Variants in PIR observed in about 807,000 individuals in gnomAD.
The protein encoded by PIR is pirin (iron-binding nuclear protein).
A neutral mutation model predicts 24.2 loss-of-function variants in PIR; 22 were observed. That is an observed-to-expected ratio of 0.91 (90% CI 0.65 to 1.30). PIR has a LOEUF of 1.30. Ranked by LOEUF, PIR falls within the 50% of genes most tolerant of loss-of-function variation. The pLI is 0.00. For missense variants in PIR, 220 were observed against 220.3 expected (o/e 1.00, Z 0.01); for synonymous variants, 80 against 79.6 (o/e 1.00, Z -0.03).
At position 15,473,546 on chromosome X, in the gene PIR, T is replaced by TTTTA. The variant is rs1019635576; in HGVS notation, c.189+6179_189+6182dup. Among the ~76,000 whole-genome samples the TTTTA allele has an allele frequency of 8.5e-4, 95 of 111,748 alleles. 1 individual carries two copies. Among genetic ancestry groups the TTTTA allele is most frequent in the African/African-American group, 3.0e-3 (92 of 30,823 alleles). ...TCTACTATTTTGAATACTTTTTTAT[T>TTTTA]TTTATTTATTTATTTATTTATCTAT... On this transcript the variant is annotated intron_variant, in intron 3 of 9. Coordinates refer to ENST00000380420, the MANE Select transcript of PIR (RefSeq NM_001018109.3).
chrX:15,414,834 T>C (rs1036307618), intron 6 of PIR, among the ~76,000 whole-genome samples: 58 of 111,191 alleles, frequency 5.2e-4, no homozygotes, highest in African/African-American at 1.8e-3. Context: ...TAAAAGCCCC[T>C]GTAAAATATG....
intron 5 of PIR, among the ~76,000 whole-genome samples, chrX:15,427,001 T>C (rs234499): frequency 0.012 from 1,291 of 111,675 alleles, 12 homozygotes; most frequent in Middle Eastern, 0.023. Flanking sequence ...AATGGATAAA[T>C]GAAATGTAAT....
intron 8 of PIR, among the ~76,000 whole-genome samples, chrX:15,393,289 G>C (rs1431972809): frequency 1.8e-5 from 2 of 111,866 alleles, no homozygotes; most frequent in Non-Finnish European, 3.8e-5. Context: ...GATATGTCTC[G>C]AGTTCTGCTG....
intron 5 of PIR, 105 bp from the exon 6 acceptor site, chrX:15,426,095 T>C: frequency 4.0e-6 from 2 of 496,436 alleles, no homozygotes; most frequent in Non-Finnish European, 7.0e-6. Context: ...CCATTATATA[T>C]ATAGTTCCTC....
intron 6 of PIR, among the ~76,000 whole-genome samples, chrX:15,408,111 T>C (rs956136802): frequency 8.9e-6 from 1 of 111,848 alleles, no homozygotes. Flanking sequence ...CACATCTGGC[T>C]AATTTTTGTA....
chrX:15,467,115 A>T (rs1921640443), intron 3 of PIR, among the ~76,000 whole-genome samples: 1 of 112,527 alleles, frequency 8.9e-6, no homozygotes. Flanking sequence ...CGATGGATGG[A>T]TGGATGAATA....
At chrX:15,437,705 TA>T (rs1925793714) in intron 5 of PIR, among the ~76,000 whole-genome samples, 1 of 112,621 alleles carries the variant, frequency 8.9e-6, no homozygotes, top group Admixed American at 9.4e-5. Flanking sequence ...AGAAATAAGA[TA>T]AACTATTACC....
chrX:15,425,656 C>T (rs1003597024), intron 6 of PIR, among the ~76,000 whole-genome samples: 3 of 111,329 alleles, frequency 2.7e-5, no homozygotes, highest in Non-Finnish European at 3.8e-5. Context: ...GTGATCCACC[C>T]GCCTCGACTT....
intron 6 of PIR, among the ~76,000 whole-genome samples, chrX:15,414,368 G>A (rs970653238): frequency 8.9e-6 from 1 of 111,948 alleles, no homozygotes; most frequent in Non-Finnish European, 1.9e-5. Flanking sequence ...GGTTTTATTT[G>A]AACAGAACTT....
intron 9 of PIR, among the ~76,000 whole-genome samples, chrX:15,387,578 A>G (rs1176954175): frequency 9.0e-6 from 1 of 111,600 alleles, no homozygotes; most frequent in Non-Finnish European, 1.9e-5. Context: ...CAGAATAAAC[A>G]ATAAACCCAA....
intron 2 of PIR, among the ~76,000 whole-genome samples, chrX:15,488,108 G>A (rs1479999226): frequency 2.8e-5 from 3 of 108,506 alleles, no homozygotes; most frequent in African/African-American, 3.4e-5. Flanking sequence ...GAGAAACCCC[G>A]TCTCTACTAA....
At chrX:15,426,829 G>A (rs772454106) in intron 5 of PIR, among the ~76,000 whole-genome samples, 4 of 111,824 alleles carry the variant, frequency 3.6e-5, no homozygotes, top group South Asian at 7.5e-4. Context: ...AAGCTGCTTG[G>A]CCATGTGTAG....
chrX:15,433,558 G>GAAAGAAAT (rs1925595234), intron 5 of PIR, among the ~76,000 whole-genome samples: 1 of 99,593 alleles, frequency 1.0e-5, no homozygotes, highest in Non-Finnish European at 2.0e-5. Flanking sequence ...GAGAAAGAAA[G>GAAAGAAAT]AAAGAGAGAG....
intron 5 of PIR, among the ~76,000 whole-genome samples, chrX:15,433,534 AAGAAAGAAAGAGAG>A (rs201077714): frequency 0.064 from 4,108 of 63,707 alleles, 221 homozygotes; most frequent in East Asian, 0.25. Context: ...GAAAGAAAGA[AAGAAAGAAAGAGAG>A]AGAAAGAAAG....
intron 8 of PIR, among the ~76,000 whole-genome samples, chrX:15,395,011 G>GA (rs1399814089): frequency 1.8e-5 from 2 of 111,792 alleles, no homozygotes; most frequent in African/African-American, 3.3e-5. Flanking sequence ...AACAGAGCCA[G>GA]AAAAAAAGCC....
chrX:15,418,424 G>T (rs1924998058), intron 6 of PIR, among the ~76,000 whole-genome samples: 1 of 112,159 alleles, frequency 8.9e-6, no homozygotes. Flanking sequence ...ATTGCCTTGC[G>T]CCTTGCAAGA....
At chrX:15,434,076 GAGGA>G in intron 5 of PIR, among the ~76,000 whole-genome samples, 1 of 83,501 alleles carries the variant, frequency 1.2e-5, no homozygotes, top group Non-Finnish European at 2.4e-5. Context: ...AAAGAAGGAG[GAGGA>G]AGGAGAAAGG....
chrX:15,406,492 T>C (rs1334822265), intron 7 of PIR, among the ~76,000 whole-genome samples: 2 of 111,754 alleles, frequency 1.8e-5, no homozygotes, highest in East Asian at 2.8e-4. Flanking sequence ...ATGGGTGAGG[T>C]AGCTTCTGGG....
chrX:15,436,453 G>C (rs1192697945), intron 5 of PIR, among the ~76,000 whole-genome samples: 1 of 111,748 alleles, frequency 8.9e-6, no homozygotes, highest in Admixed American at 9.5e-5. Context: ...CTGAATTTGG[G>C]TTACAGATGT....
Sources: gnomAD v4.1 joint callset for allele counts (sites outside exome capture counted in the v4.1 genomes callset) on GRCh38, gnomAD v4.1.1 for gene constraint, MANE v1.5 for transcripts, NCBI Gene and HGNC (gene_info 2026-07-23, HGNC 2026-07-21) for gene names.